The following AUTS2 variants were observed in gnomAD, a reference collection of about 807,000 sequenced individuals.
AUTS2 encodes the protein activator of transcription and developmental regulator AUTS2, also known as autism susceptibility gene 2 protein.
A neutral mutation model predicts 112.4 loss-of-function variants in AUTS2; 17 were observed. The ratio of observed to expected loss-of-function variants is 0.15; its 90% confidence interval spans 0.10 to 0.23. The LOEUF (loss-of-function observed/expected upper bound fraction) is 0.23. Ranked by LOEUF, AUTS2 falls within the 10% of genes least tolerant of loss-of-function variation. AUTS2 has a pLI of 1.00. For missense variants in AUTS2, 1,510 were observed against 1,701.6 expected (o/e 0.89, Z 1.98); for synonymous variants, 751 against 702.7 (o/e 1.07, Z -1.09).
chr7:69,767,524 G>A (rs1788480546), intron 1 of AUTS2, among the ~76,000 whole-genome samples: 1 of 152,128 alleles, frequency 6.6e-6, no homozygotes, highest in Non-Finnish European at 1.5e-5. Context: ...TGCCGTAGTT[G>A]GACTTCTCTC....
chr7:69,793,876 G>T (rs1054866747), intron 1 of AUTS2, among the ~76,000 whole-genome samples: 1 of 152,208 alleles, frequency 6.6e-6, no homozygotes, highest in Non-Finnish European at 1.5e-5. Context: ...TCAGATGGGG[G>T]ATAGTCAGAG....
intron 2 of AUTS2, among the ~76,000 whole-genome samples, chr7:69,945,602 T>G (rs991806520): frequency 3.9e-5 from 6 of 152,172 alleles, no homozygotes; most frequent in African/African-American, 1.4e-4. Context: ...GTTACCATTT[T>G]TTGTTGTTGT....
At chr7:69,631,089 G>A (rs2533445) in intron 1 of AUTS2, among the ~76,000 whole-genome samples, 93,488 of 151,916 alleles carry the variant, frequency 0.62, 29,081 homozygotes, top group East Asian at 0.7. Flanking sequence ...GTTCACAGGT[G>A]GTCTCAGAAG....
intron 2 of AUTS2, among the ~76,000 whole-genome samples, chr7:70,073,044 C>T (rs1224663068): frequency 2.7e-4 from 36 of 131,210 alleles, no homozygotes; most frequent in Admixed American, 1.1e-3. Flanking sequence ...CCCTTCCCCT[C>T]CCCTCTCCTC....
chr7:70,109,623 C>T (rs189431233), intron 2 of AUTS2, among the ~76,000 whole-genome samples: 23 of 152,238 alleles, frequency 1.5e-4, no homozygotes, highest in East Asian at 9.6e-4. Context: ...TGGCTTACTA[C>T]GATAAAGGGT....
At chr7:70,407,430 G>C (rs530122527) in intron 4 of AUTS2, among the ~76,000 whole-genome samples, 1 of 152,076 alleles carries the variant, frequency 6.6e-6, no homozygotes, top group Non-Finnish European at 1.5e-5. Flanking sequence ...TTAAAAAGCA[G>C]CATAACAAGA....
intron 2 of AUTS2, among the ~76,000 whole-genome samples, chr7:69,975,971 C>T (rs1320306940): frequency 6.6e-6 from 1 of 152,038 alleles, no homozygotes; most frequent in Admixed American, 6.6e-5. Context: ...AACCATCTCG[C>T]CCAGCTGATT....
intron 4 of AUTS2, among the ~76,000 whole-genome samples, chr7:70,146,884 G>A (rs6963837): frequency 0.016 from 2,385 of 152,204 alleles, 20 homozygotes; most frequent in African/African-American, 0.027. Context: ...CATAATTTCA[G>A]AACCTGGTTA....
chr7:69,625,685 C>G (rs922026870), intron 1 of AUTS2, among the ~76,000 whole-genome samples: 2 of 151,854 alleles, frequency 1.3e-5, no homozygotes, highest in Non-Finnish European at 2.9e-5. Context: ...ACAGTGAGAC[C>G]CTGTTCTATA....
intron 5 of AUTS2, among the ~76,000 whole-genome samples, chr7:70,548,932 C>G (rs910003131): frequency 2.1e-5 from 3 of 143,756 alleles, no homozygotes; most frequent in Non-Finnish European, 1.6e-5. Flanking sequence ...CTACCCCCCC[C>G]CCAAAAAAAA....
At chr7:70,444,805 G>T (rs78346062) in intron 5 of AUTS2, among the ~76,000 whole-genome samples, 2,405 of 152,206 alleles carry the variant, frequency 0.016, 66 homozygotes, top group African/African-American at 0.055. Context: ...AGCCGAATGG[G>T]GTCTTTGAAA....
intron 4 of AUTS2, among the ~76,000 whole-genome samples, chr7:70,359,033 A>G (rs1792136501): frequency 6.6e-6 from 1 of 152,226 alleles, no homozygotes; most frequent in Non-Finnish European, 1.5e-5. Flanking sequence ...TGTTTTTTCC[A>G]TTAGCATTTA....
intron 4 of AUTS2, among the ~76,000 whole-genome samples, chr7:70,169,252 T>A (rs12698863): frequency 0.14 from 21,463 of 151,476 alleles, 1,529 homozygotes; most frequent in South Asian, 0.19. Context: ...ATATATATAT[T>A]TTTTTTGAGA....
intron 1 of AUTS2, among the ~76,000 whole-genome samples, chr7:69,672,440 A>C (rs957520897): frequency 6.6e-6 from 1 of 152,226 alleles, no homozygotes; most frequent in African/African-American, 2.4e-5. Flanking sequence ...ATCAATACAC[A>C]CAACGGTGAT....
At chr7:69,836,717 C>G (rs1192365655) in intron 1 of AUTS2, among the ~76,000 whole-genome samples, 2 of 152,160 alleles carry the variant, frequency 1.3e-5, no homozygotes, top group African/African-American at 4.8e-5. Context: ...CATTTACTTT[C>G]TGCACACTTA....
chr7:70,606,454 C>T (rs191187972), intron 5 of AUTS2, among the ~76,000 whole-genome samples: 1 of 152,274 alleles, frequency 6.6e-6, no homozygotes, highest in East Asian at 1.9e-4. Flanking sequence ...ACTGTGCAGG[C>T]ACTTTGTTAG....
intron 2 of AUTS2, among the ~76,000 whole-genome samples, chr7:69,975,916 G>T (rs1174296775): frequency 2.0e-5 from 3 of 152,038 alleles, no homozygotes; most frequent in African/African-American, 7.2e-5. Flanking sequence ...TTGAACTCCT[G>T]ACCTCAGGTG....
chr7:70,031,116 T>A (rs890189101), intron 2 of AUTS2, among the ~76,000 whole-genome samples: 1 of 152,176 alleles, frequency 6.6e-6, no homozygotes, highest in African/African-American at 2.4e-5. Flanking sequence ...CTCTCCAATC[T>A]GAGTCTAACC....
chr7:69,816,516 C>T (rs544692620), intron 1 of AUTS2, among the ~76,000 whole-genome samples: 1 of 152,282 alleles, frequency 6.6e-6, no homozygotes, highest in Admixed American at 6.5e-5. Context: ...GCACAGCATT[C>T]ACAGCTGCTG....
Sources: gnomAD v4.1 joint callset for allele counts (sites outside exome capture counted in the v4.1 genomes callset) on GRCh38, gnomAD v4.1.1 for gene constraint, MANE v1.5 for transcripts, NCBI Gene and HGNC (gene_info 2026-07-23, HGNC 2026-07-21) for gene names.